MMAA: variants seen among roughly 807,000 people sequenced by gnomAD.
The protein encoded by MMAA is metabolism of cobalamin associated A.
A neutral mutation model predicts 45.0 loss-of-function variants in MMAA; 41 were observed. The observed-to-expected ratio is 0.91, with a 90% CI of 0.71 to 1.18. The LOEUF (loss-of-function observed/expected upper bound fraction) is 1.18, where lower values mean the gene tolerates loss of function less well. Among genes scored for constraint, MMAA ranks in the 50% most tolerant of loss-of-function variants. MMAA has a pLI of 0.00. For missense variants in MMAA, 460 were observed against 495.7 expected, an observed-to-expected ratio of 0.93 and a Z score of 0.68; for synonymous variants, 154 against 178.2, an observed-to-expected ratio of 0.86 and a Z score of 1.08.
chr4:145,641,003 C>A (rs901382325), intron 2 of MMAA, among the ~76,000 whole-genome samples: 10 of 152,184 alleles, frequency 6.6e-5, no homozygotes, highest in Admixed American at 5.2e-4. Flanking sequence ...GACACAAAAG[C>A]CTCCTAGTTT....
chr4:145,655,626 G>A lies in MMAA; in HGVS notation c.*192G>A, dbSNP rs188845060. 439 of 554,144 alleles carry A rather than the reference G, an allele frequency of 7.9e-4. No individual in the cohort carries two copies. The highest frequency in any genetic ancestry group is 1.2e-3 in the Non-Finnish European group (385 of 320,456). 34.3% of individuals were successfully genotyped at this position (554,144 alleles called of 1,614,324 possible). On this transcript the variant is annotated 3_prime_UTR_variant, in exon 7 of 7. Transcript: ENST00000649156. ...GTTAGGCAGTATTTATAAGGTACCTGTTTTATGTTACTGATATCTGTTTCC... is the reference window on the plus strand; with the variant it reads ...GTTAGGCAGTATTTATAAGGTACCTATTTTATGTTACTGATATCTGTTTCC...
At chr4:145,641,754 G>A (rs1453524590) in intron 2 of MMAA, among the ~76,000 whole-genome samples, 1 of 152,208 alleles carries the variant, frequency 6.6e-6, no homozygotes, top group Non-Finnish European at 1.5e-5. Flanking sequence ...AGAACTGGCT[G>A]CGTGGCTTCA....
chr4:145,624,635 A>G (rs1451000412), intron 1 of MMAA: 4 of 1,420,236 alleles, frequency 2.8e-6, no homozygotes, highest in Non-Finnish European at 2.9e-6. Flanking sequence ...TACTAGAAGG[A>G]CAGAGCCACA....
At chr4:145,620,226 G>A (rs1042163650) in intron 1 of MMAA, among the ~76,000 whole-genome samples, 5 of 152,160 alleles carry the variant, frequency 3.3e-5, no homozygotes, top group South Asian at 4.1e-4. Flanking sequence ...GGTAACAAGA[G>A]GTTTTTAAAA....
intron 1 of MMAA, chr4:145,624,605 C>T (rs1578868221): frequency 3.0e-6 from 4 of 1,319,990 alleles, no homozygotes; most frequent in Non-Finnish European, 3.2e-6. Flanking sequence ...GACTTTGGTG[C>T]TTTAGTTCTA....
At chr4:145,625,046 C>T (rs1332197985) in intron 1 of MMAA, 2 of 906,150 alleles carry the variant, frequency 2.2e-6, no homozygotes, top group African/African-American at 1.6e-5. Flanking sequence ...AAACTTCTCA[C>T]CGGTTTCATG....
rs193241617 is a variant in MMAA, at chr4:145,640,957, C to A, written c.439+1379C>A. Among the ~76,000 whole-genome samples the A allele has an allele frequency of 3.6e-4, 55 of 152,232 alleles. 1 individual carries two copies. The highest frequency in any genetic ancestry group is 6.8e-4 in the Non-Finnish European group (46 of 68,016). On this transcript the variant is annotated intron_variant, in intron 2 of 6. Coordinates refer to ENST00000649156, the MANE Select transcript of MMAA (RefSeq NM_172250.3). ...TAAATACTTTTAAAATTTCATGTTA[C>A]ATTACACCTTTGTCTCACAGTTTAT...
intron 1 of MMAA, among the ~76,000 whole-genome samples, chr4:145,636,882 G>A (rs551010576): frequency 6.6e-6 from 1 of 152,328 alleles, no homozygotes; most frequent in East Asian, 1.9e-4. Flanking sequence ...GTAGCAGGTC[G>A]AAAGATGGCC....
intron 4 of MMAA, chr4:145,646,365 A>G: frequency 3.5e-6 from 2 of 565,118 alleles, no homozygotes; most frequent in African/African-American, 1.9e-5. Flanking sequence ...TAAGCCATCT[A>G]TCTGGATAAC....
chr4:145,631,192 A>G (rs1224668150), intron 1 of MMAA, among the ~76,000 whole-genome samples: 3 of 152,168 alleles, frequency 2.0e-5, no homozygotes, highest in Admixed American at 6.5e-5. Flanking sequence ...ATTAAGTCCA[A>G]TGTTTTGTTA....
chr4:145,625,172 A>G (rs1734176043), intron 1 of MMAA: 4 of 1,423,516 alleles, frequency 2.8e-6, no homozygotes, highest in East Asian at 2.3e-5. Flanking sequence ...TTCCATTTCA[A>G]TGGAGAAAGA....
At chr4:145,651,982 C>A (rs896816388) in intron 5 of MMAA, among the ~76,000 whole-genome samples, 1 of 152,132 alleles carries the variant, frequency 6.6e-6, no homozygotes, top group African/African-American at 2.4e-5. Flanking sequence ...GCTCGCCCCC[C>A]TGCTGCCCCC....
chr4:145,643,233 G>A (rs926313381), intron 3 of MMAA, among the ~76,000 whole-genome samples: 3 of 152,128 alleles, frequency 2.0e-5, no homozygotes, highest in Admixed American at 2.0e-4. Context: ...TCATATTACA[G>A]TTACTCACTT....
In MMAA at chr4:145,655,556, AC is replaced by A. The variant is rs1360874540; in HGVS notation, c.*125del. The A allele has an allele frequency of 5.0e-6, 5 of 1,007,258 alleles. No homozygotes were observed. The highest frequency in any genetic ancestry group is 1.6e-5 in the African/African-American group (1 of 61,096). 62.4% of individuals were successfully genotyped at this position (1,007,258 alleles called of 1,614,324 possible). A position where few individuals can be genotyped will look rare whatever the true frequency, so the allele number is the denominator to read the frequency against. On this transcript the variant is annotated 3_prime_UTR_variant, in exon 7 of 7. Transcript: ENST00000649156. Reference sequence around the variant, plus strand: ...GGTGCTCTTGTCTTCTTTGTTTGTGACCCATGCTTGAAAACTTGAAGGAAGT... The same window carrying A: ...GGTGCTCTTGTCTTCTTTGTTTGTGACCATGCTTGAAAACTTGAAGGAAGT...
chr4:145,637,642 A>G (rs1727650166), intron 1 of MMAA, among the ~76,000 whole-genome samples: 1 of 152,228 alleles, frequency 6.6e-6, no homozygotes, highest in Non-Finnish European at 1.5e-5. Flanking sequence ...TTATTCCACC[A>G]TGCCACAAGG....
intron 1 of MMAA, chr4:145,624,469 G>T: frequency 1.2e-6 from 1 of 864,134 alleles, no homozygotes; most frequent in East Asian, 2.4e-5. Flanking sequence ...TCAGTATTAG[G>T]CCCTTTCTTA....
At position 145,639,067 on chromosome 4, in the gene MMAA, T is replaced by G; in HGVS notation, c.-65-8T>G. 23 of 1,389,756 alleles carry G rather than the reference T, an allele frequency of 1.7e-5. 1 individual carries two copies. In the South Asian group the frequency reaches 2.7e-4, roughly 16 times the overall value. 86.1% of individuals were successfully genotyped at this position (1,389,756 alleles called of 1,614,324 possible). The stretch of plus-strand genomic sequence containing the variant: ...TCGAACTGGCTAACATGTTTTTCTT[T>G]CTTCTAGGGAGGTCACAATCACATT... On this transcript the variant is annotated splice_region_variant and splice_polypyrimidine_tract_variant and intron_variant, in intron 1 of 6. Coordinates refer to ENST00000649156, the MANE Select transcript of MMAA (RefSeq NM_172250.3).
rs2126632434 is a variant in MMAA, at chr4:145,658,680, A to G, written c.*3246A>G. 6.7e-6 allele frequency: 1 copy of G among 150,108 alleles called. No homozygotes were observed. The allele number at this position is 150,108 out of a possible 1,614,324, so 9.3% of individuals were successfully genotyped here. ...ATACGTGTGATAATTTATGTAGTTG[A>G]ACCTCTAAGGCAAAAAAAAAAAAAA... On this transcript the variant is annotated 3_prime_UTR_variant, in exon 7 of 7. Transcript: ENST00000649156.
At chr4:145,625,237 C>T in intron 1 of MMAA, 2 of 1,061,792 alleles carry the variant, frequency 1.9e-6, no homozygotes, top group Non-Finnish European at 2.9e-6. Context: ...CAGGAACTTC[C>T]TGTTGCTGAC....
Sources: allele counts gnomAD v4.1 joint callset (sites outside exome capture counted in the v4.1 genomes callset), GRCh38; gene constraint gnomAD v4.1.1; transcripts MANE v1.5; gene names NCBI Gene and HGNC (gene_info 2026-07-23, HGNC 2026-07-21).